The following CSMD1 variants were observed in gnomAD, a reference collection of about 807,000 sequenced individuals.
CSMD1 encodes CUB and Sushi multiple domains 1, also known as CUB and sushi domain-containing protein 1.
In CSMD1, 213 loss-of-function variants were observed where a neutral mutation model predicts 417.5. The ratio of observed to expected loss-of-function variants is 0.51; its 90% CI spans 0.46 to 0.57. The LOEUF (loss-of-function observed/expected upper bound fraction) is 0.57. Among genes scored for constraint, CSMD1 ranks in the 20% least tolerant of loss-of-function variants. The pLI is 0.00. For synonymous variants in CSMD1, 2,862 were observed against 1,736.8 expected, an observed-to-expected ratio of 1.65 and a Z score of -16.11; for missense variants, 6,923 against 4,529.7, an observed-to-expected ratio of 1.53 and a Z score of -15.17.
intron 5 of CSMD1, among the ~76,000 whole-genome samples, chr8:3,938,412 G>A (rs1277578392): frequency 6.6e-6 from 1 of 152,156 alleles, no homozygotes; most frequent in Non-Finnish European, 1.5e-5. Context: ...TTTGATTTGG[G>A]CTTCAAAAGA....
chr8:3,629,018 C>G (rs1796637803), intron 7 of CSMD1, among the ~76,000 whole-genome samples: 2 of 152,092 alleles, frequency 1.3e-5, no homozygotes, highest in African/African-American at 4.8e-5. Flanking sequence ...AAATAGAATT[C>G]TAACCTTTGC....
chr8:4,927,427 C>G lies in CSMD1; in HGVS notation c.85+66905G>C, dbSNP rs543615775. Among the ~76,000 whole-genome samples the G allele has an allele frequency of 2.0e-5, 3 of 152,186 alleles. No individual in the cohort carries two copies. In the South Asian group the frequency reaches 6.2e-4, roughly 32 times the overall value. ...TGCCCCAGCAACTGTCAGTGAGGCA[C>G]AGTGTGAAAGTTTAATGTAGGACTC... On this transcript the variant is annotated intron_variant, in intron 1 of 69. Coordinates refer to ENST00000635120, the MANE Select transcript of CSMD1 (RefSeq NM_033225.6).
At chr8:4,689,798 A>G (rs931441394) in intron 1 of CSMD1, among the ~76,000 whole-genome samples, 4 of 152,108 alleles carry the variant, frequency 2.6e-5, no homozygotes, top group African/African-American at 9.7e-5. Flanking sequence ...CTCCATATGG[A>G]ATTTATCTAT....
In CSMD1 at chr8:4,637,250, G is replaced by C. The variant is rs1003356818; in HGVS notation, c.302+92C>G. ...AACCCACCGGAAGGAACCAACTCCG[G>C]ACACAATAATAAAATTTAAATATTC... On this transcript the variant is annotated intron_variant, in intron 2 of 69. Coordinates refer to ENST00000635120, the MANE Select transcript of CSMD1 (RefSeq NM_033225.6). 1.0e-5 allele frequency: 12 copies of C among 1,161,916 alleles called. No individual in the cohort carries two copies. In the African/African-American group the frequency reaches 1.1e-4, roughly 10 times the overall value. 72.0% of individuals were successfully genotyped at this position (1,161,916 alleles called of 1,614,324 possible).
chr8:3,884,164 G>C (rs946381711), intron 5 of CSMD1, among the ~76,000 whole-genome samples: 1 of 152,144 alleles, frequency 6.6e-6, no homozygotes, highest in Non-Finnish European at 1.5e-5. Context: ...AGGGAAAAAT[G>C]AACTCAGGTG....
intron 15 of CSMD1, 70 bp downstream of exon 15, chr8:3,405,957 G>A: frequency 6.8e-7 from 1 of 1,459,858 alleles, no homozygotes; most frequent in Non-Finnish European, 9.4e-7. Flanking sequence ...CAGTTTGTTG[G>A]TTTGTGTGTG....
At chr8:4,327,424 C>A (rs1280508169) in intron 3 of CSMD1, among the ~76,000 whole-genome samples, 3 of 152,116 alleles carry the variant, frequency 2.0e-5, no homozygotes, top group African/African-American at 4.8e-5. Flanking sequence ...AGAACACTGG[C>A]ACAATCAGTC....
intron 3 of CSMD1, among the ~76,000 whole-genome samples, chr8:4,335,212 C>A (rs1183179628): frequency 6.6e-6 from 1 of 152,026 alleles, no homozygotes; most frequent in African/African-American, 2.4e-5. Context: ...CCTGGGCTCT[C>A]TTTTCTATGG....
chr8:3,507,843 T>C (rs1394081207), intron 10 of CSMD1, among the ~76,000 whole-genome samples: 7 of 152,200 alleles, frequency 4.6e-5, no homozygotes, highest in African/African-American at 1.7e-4. Flanking sequence ...GCCCACTTTT[T>C]GATGGGGTTG....
intron 1 of CSMD1, among the ~76,000 whole-genome samples, chr8:4,793,637 T>G (rs2117245486): frequency 6.6e-6 from 1 of 152,202 alleles, no homozygotes; most frequent in East Asian, 1.9e-4. Context: ...ACAGCACTAA[T>G]TATTGCTGTC....
chr8:3,080,936 C>T (rs1327793141), intron 49 of CSMD1, among the ~76,000 whole-genome samples: 1 of 150,402 alleles, frequency 6.6e-6, no homozygotes, highest in East Asian at 1.9e-4. Flanking sequence ...ATGTCATTGG[C>T]AAAAAAAAGT....
rs80238679 is a variant in CSMD1 at position 4,780,288 on chromosome 8, C to T, written c.86-142730G>A. Among the ~76,000 whole-genome samples the T allele has an allele frequency of 5.9e-3, 898 of 152,286 alleles. 7 individuals are homozygous for T. Among genetic ancestry groups the T allele is most frequent in the Middle Eastern group, 0.027 (8 of 294 alleles). The stretch of plus-strand genomic sequence containing the variant: ...CATGCTTTCTGAGCCCAGGCTTTGT[C>T]TCTGTATACTGCGCTATATAATGGG... On this transcript the variant is annotated intron_variant, in intron 1 of 69. Coordinates refer to ENST00000635120, the MANE Select transcript of CSMD1 (RefSeq NM_033225.6).
chr8:3,500,788 G>A (rs1023742992), intron 10 of CSMD1, among the ~76,000 whole-genome samples: 6 of 152,190 alleles, frequency 3.9e-5, no homozygotes, highest in Admixed American at 2.0e-4. Flanking sequence ...AGAGTTGTAG[G>A]CATGGAAGAA....
intron 5 of CSMD1, among the ~76,000 whole-genome samples, chr8:3,945,372 C>T (rs1021827035): frequency 6.6e-6 from 1 of 151,964 alleles, no homozygotes; most frequent in African/African-American, 2.4e-5. Context: ...ATAAAGGTAA[C>T]AAACCTGCAC....
At chr8:4,938,492 T>G (rs936751804) in intron 1 of CSMD1, among the ~76,000 whole-genome samples, 1 of 152,196 alleles carries the variant, frequency 6.6e-6, no homozygotes, top group Non-Finnish European at 1.5e-5. Context: ...GACAAAAAAC[T>G]GATCGATGGT....
At chr8:4,536,904 A>G (rs1432648133) in intron 2 of CSMD1, among the ~76,000 whole-genome samples, 1 of 152,212 alleles carries the variant, frequency 6.6e-6, no homozygotes, top group Non-Finnish European at 1.5e-5. Context: ...TCTCAGGGAG[A>G]AATTGTAAAA....
intron 3 of CSMD1, among the ~76,000 whole-genome samples, chr8:4,162,532 T>C (rs1197289304): frequency 6.6e-6 from 1 of 152,230 alleles, no homozygotes; most frequent in East Asian, 1.9e-4. Flanking sequence ...TATTAAATTT[T>C]GATATTTTTA....
chr8:3,431,089 G>A (rs368888449), intron 12 of CSMD1, among the ~76,000 whole-genome samples: 2 of 152,102 alleles, frequency 1.3e-5, no homozygotes, highest in Non-Finnish European at 2.9e-5. Flanking sequence ...CAGACTTTCT[G>A]TTCTAGACAG....
chr8:3,600,323 G>C (rs948660998), intron 8 of CSMD1, among the ~76,000 whole-genome samples: 3 of 152,192 alleles, frequency 2.0e-5, no homozygotes, highest in Admixed American at 6.5e-5. Flanking sequence ...CTGTTGAAGG[G>C]TGGAGTGGGT....
Sources: gnomAD v4.1 joint callset for allele counts (sites outside exome capture counted in the v4.1 genomes callset) on GRCh38, gnomAD v4.1.1 for gene constraint, MANE v1.5 for transcripts, NCBI Gene and HGNC (gene_info 2026-07-23, HGNC 2026-07-21) for gene names.